Variants in SPDYE1 observed in about 807,000 individuals in gnomAD.
SPDYE1 encodes speedy/RINGO cell cycle regulator family member E1, also known as speedy protein E1.
Under a neutral mutation model 45.9 loss-of-function variants are expected in SPDYE1, and 29 were observed. That is an observed-to-expected ratio of 0.63 (90% CI 0.47 to 0.86). The LOEUF is 0.86. Ranked by LOEUF, SPDYE1 falls within the 40% of genes least tolerant of loss-of-function variation. The pLI, the probability that SPDYE1 is intolerant of heterozygous loss-of-function variation, is 0.00. For missense variants in SPDYE1, 346 were observed against 481.4 expected (o/e 0.72, Z 2.63); for synonymous variants, 134 against 176.8 (o/e 0.76, Z 1.92).
chr7:44,002,852 G>A (rs1207329520), intron 4 of SPDYE1, 35 bp downstream of exon 4: 2 of 1,293,940 alleles, frequency 1.5e-6, no homozygotes, highest in South Asian at 1.3e-5. Flanking sequence ...CTCCAATCCT[G>A]TTCTTTCCAA....
chr7:44,004,783 G>C (rs2128778166), intron 5 of SPDYE1: 1 of 383,004 alleles, frequency 2.6e-6, no homozygotes, highest in South Asian at 2.3e-5. Context: ...CTGGGCCACA[G>C]TCTGGCCGCA....
intron 3 of SPDYE1, among the ~76,000 whole-genome samples, chr7:44,002,321 A>ACAAC (rs375126866): frequency 3.2e-5 from 3 of 93,330 alleles, no homozygotes; most frequent in Non-Finnish European, 4.5e-5. Flanking sequence ...AACAACAACA[A>ACAAC]AAAAAAAAAA....
At chr7:44,001,398 A>G (rs1373754478) in intron 3 of SPDYE1, 114 bp downstream of exon 3, 2 of 1,532,564 alleles carry the variant, frequency 1.3e-6, no homozygotes, top group Non-Finnish European at 1.7e-6. Context: ...TGAGATCTCC[A>G]CGCAGGAGGA....
chr7:44,002,735 G>C lies in SPDYE1; in HGVS notation c.525G>C (p.Leu175=), dbSNP rs752210798. The change falls in exon 4 of 9, where the codon CTG becomes CTC. Residue 175 remains leucine, a synonymous_variant. Transcript: ENST00000693451. ...EPEEIWVAEM[L]CGLKMKLKRR... ...AGGAGATCTGGGTGGCGGAGATGCT[G>C]TGTGGCCTCAAGATGAAGCTGAAGC... The C allele has an allele frequency of 6.3e-7, 1 of 1,579,734 alleles. No individual in the cohort carries two copies. Among genetic ancestry groups the C allele is most frequent in the East Asian group, 2.3e-5 (1 of 44,232 alleles).
Position 44,008,672 on chromosome 7 carries a change from C to T in SPDYE1, c.*51C>T, listed in dbSNP as rs2096075143. The T allele has an allele frequency of 4.7e-6, 6 of 1,276,116 alleles. No homozygotes were observed. Among genetic ancestry groups the T allele is most frequent in the Non-Finnish European group, 6.1e-6 (6 of 982,516 alleles). 79.0% of individuals were successfully genotyped at this position (1,276,116 alleles called of 1,614,324 possible). Reference sequence around the variant, plus strand: ...ATTGTCTCTCTCCCTTCCAGAACACCGGACCCAGGGGAGATGTGGATTTTC... The same window carrying T: ...ATTGTCTCTCTCCCTTCCAGAACACTGGACCCAGGGGAGATGTGGATTTTC... On this transcript the variant is annotated 3_prime_UTR_variant, in exon 9 of 9. Coordinates refer to ENST00000693451, the MANE Select transcript of SPDYE1 (RefSeq NM_001378423.2).
rs1266073683 is a variant in SPDYE1 at position 44,009,623 on chromosome 7, T to C, written c.*1002T>C. On this transcript the variant is annotated 3_prime_UTR_variant, in exon 9 of 9. Transcript: ENST00000693451. Reference sequence around the variant, plus strand: ...TTTAAATATTTATTAAATATATTTATTTATTTAAATGTTATTATTACTTTA... The same window carrying C: ...TTTAAATATTTATTAAATATATTTACTTATTTAAATGTTATTATTACTTTA... 1 of 148,642 alleles carries C rather than the reference T, an allele frequency of 6.7e-6. No individual in the cohort carries two copies. Among genetic ancestry groups the C allele is most frequent in the East Asian group, 1.9e-4 (1 of 5,166 alleles). The allele number at this position is 148,642 out of a possible 1,614,324, so 9.2% of individuals were successfully genotyped here.
Position 44,001,202 on chromosome 7 carries a change from G to A in SPDYE1, c.297G>A (p.Leu99=), listed in dbSNP as rs1326826647. Residue 99 remains leucine, a synonymous_variant, in exon 3 of 9, where the codon CTG becomes CTA. Coordinates refer to ENST00000693451, the MANE Select transcript of SPDYE1 (RefSeq NM_001378423.2). Reference sequence around the variant, plus strand: ...AGGAGACCTGGGTAGTGGAGACGCTGTGTGGGCTCAAGATGAAGCTGAAGC... The same window carrying A: ...AGGAGACCTGGGTAGTGGAGACGCTATGTGGGCTCAAGATGAAGCTGAAGC... ...EPEETWVVET[L]CGLKMKLKQQ... The A allele has an allele frequency of 1.9e-6, 3 of 1,598,316 alleles. No individual in the cohort carries two copies. In the East Asian group the frequency reaches 6.7e-5, roughly 36 times the overall value.
rs112182628 is a variant in SPDYE1, at chr7:44,007,230, G to A, written c.753-38G>A. ...TGACCTCAGCCGGAGGTCTCTCCTG[G>A]TGGTGCCCCTGAGCAGCAACCTGAT... On this transcript the variant is annotated intron_variant, in intron 6 of 8. Coordinates refer to ENST00000693451, the MANE Select transcript of SPDYE1 (RefSeq NM_001378423.2). 2.8e-5 allele frequency: 45 copies of A among 1,612,152 alleles called. 2 individuals are homozygous for A. The African/African-American group carries it at 3.5e-4, about 12-fold the overall frequency.
intron 2 of SPDYE1, among the ~76,000 whole-genome samples, chr7:44,000,405 C>T (rs1242385002): frequency 2.7e-5 from 4 of 147,404 alleles, no homozygotes; most frequent in African/African-American, 1.0e-4. Context: ...GCTGAGATCA[C>T]GCTACTGCAC....
intron 6 of SPDYE1, 140 bp downstream of exon 6, chr7:44,005,367 A>G (rs2096069793): frequency 8.5e-6 from 11 of 1,291,326 alleles, no homozygotes; most frequent in Non-Finnish European, 1.1e-5. Flanking sequence ...TTATACTATC[A>G]TAGACTGTTG....
chr7:44,002,205 G>A (rs2128776641), intron 3 of SPDYE1, among the ~76,000 whole-genome samples: 1 of 150,162 alleles, frequency 6.7e-6, no homozygotes, highest in Non-Finnish European at 1.5e-5. Flanking sequence ...CTACTTGGGA[G>A]GCTTAGGCAG....
At chr7:44,007,999 C>A in intron 8 of SPDYE1, 186 bp downstream of exon 8, 1 of 1,445,570 alleles carries the variant, frequency 6.9e-7, no homozygotes. Context: ...GAGGCCGAGG[C>A]GGGAGGATTG....
chr7:44,001,709 GGAGGCT>G (rs2096063375), intron 3 of SPDYE1, among the ~76,000 whole-genome samples: 1 of 152,098 alleles, frequency 6.6e-6, no homozygotes, highest in African/African-American at 2.4e-5. Flanking sequence ...CATTACTTTG[GGAGGCT>G]GAGATGGGTG....
intron 1 of SPDYE1, among the ~76,000 whole-genome samples, chr7:43,999,139 C>T (rs2096059194): frequency 6.6e-6 from 1 of 152,102 alleles, no homozygotes; most frequent in African/African-American, 2.4e-5. Context: ...TTAGGTAATC[C>T]ATGGATTCCC....
rs772667227 is a variant in SPDYE1, at chr7:44,007,458, T to C, written c.943T>C (p.Leu315=). 4 of 1,573,260 alleles carry C rather than the reference T, an allele frequency of 2.5e-6. No homozygotes were observed. In the African/African-American group the frequency reaches 5.5e-5, roughly 21 times the overall value. ...CTTGGTCCGTAAGCGTCGGTTCCAG[T>C]TACGCCGTTGCATGAACCCGAGGGC... ...IPLVRKRRFQ[L]RRCMNPRARK... The change falls in exon 7 of 9, where the codon TTA becomes CTA. Residue 315 remains leucine, a synonymous_variant. Coordinates refer to ENST00000693451, the MANE Select transcript of SPDYE1 (RefSeq NM_001378423.2).
intron 8 of SPDYE1, 37 bp downstream of exon 8, chr7:44,007,850 G>T (rs1390258338): frequency 1.9e-6 from 3 of 1,592,116 alleles, no homozygotes. Context: ...GCAGAATATT[G>T]GGGTCTATTT....
chr7:44,004,471 T>C (rs973144115), intron 5 of SPDYE1: 1 of 184,764 alleles, frequency 5.4e-6, no homozygotes, highest in African/African-American at 2.4e-5. Flanking sequence ...CAAGCAATCT[T>C]CTTTCCTCAG....
At chr7:44,004,893 C>T in intron 5 of SPDYE1, 1 of 588,006 alleles carries the variant, frequency 1.7e-6, no homozygotes, top group Non-Finnish European at 3.1e-6. Context: ...AGACACACCC[C>T]CTCCAAAGAT....
At chr7:44,006,195 C>T (rs1341931168) in intron 6 of SPDYE1, among the ~76,000 whole-genome samples, 12 of 152,152 alleles carry the variant, frequency 7.9e-5, no homozygotes, top group South Asian at 2.1e-4. Context: ...GCCCTCCACT[C>T]GACTTTGTGT....
Sources: allele counts gnomAD v4.1 joint callset (sites outside exome capture counted in the v4.1 genomes callset), GRCh38; gene constraint gnomAD v4.1.1; transcripts MANE v1.5; gene names NCBI Gene and HGNC (gene_info 2026-07-23, HGNC 2026-07-21).